Variants in ZFAND3 observed in about 807,000 individuals in gnomAD.
ZFAND3 encodes zinc finger AN1-type containing 3, also known as AN1-type zinc finger protein 3.
A neutral mutation model predicts 29.6 loss-of-function variants in ZFAND3; 10 were observed. That is an observed-to-expected ratio of 0.34 (90% CI 0.21 to 0.57). ZFAND3 has a LOEUF of 0.57. Ranked by LOEUF, ZFAND3 falls within the 20% of genes least tolerant of loss-of-function variation. The probability of loss-of-function intolerance (pLI) is 0.86; values close to 1 mark genes in which losing one functional copy is unlikely to be tolerated. For synonymous variants in ZFAND3, 128 were observed against 112.6 expected (o/e 1.14, Z -0.87); for missense variants, 230 against 304.5 (o/e 0.76, Z 1.82).
rs374721696 is a variant in ZFAND3, at chr6:37,874,717, C to A, written c.71+54701C>A. The stretch of plus-strand genomic sequence containing the variant: ...AGGGGTTTAGGGTAGGGGAGGGACA[C>A]AATTCAACCCATAATACCATTCTTT... On this transcript the variant is annotated intron_variant, in intron 1 of 5. Transcript: ENST00000287218. Among the ~76,000 whole-genome samples, 5 of 152,130 alleles carry A rather than the reference C, an allele frequency of 3.3e-5. No homozygotes were observed. In the East Asian group the frequency reaches 9.6e-4, roughly 29 times the overall value.
intron 3 of ZFAND3, among the ~76,000 whole-genome samples, chr6:38,064,364 CA>C (rs1462652539): frequency 6.6e-6 from 1 of 152,128 alleles, no homozygotes; most frequent in African/African-American, 2.4e-5. Flanking sequence ...CGTGATAACC[CA>C]ATGAGGTAGA....
chr6:37,984,893 T>A (rs963601266), intron 2 of ZFAND3, among the ~76,000 whole-genome samples: 2 of 152,270 alleles, frequency 1.3e-5, no homozygotes, highest in African/African-American at 4.8e-5. Flanking sequence ...AGGTCATTGC[T>A]GTATGTGTTA....
intron 5 of ZFAND3, chr6:38,142,300 GC>G (rs968824918): frequency 4.2e-6 from 2 of 471,520 alleles, no homozygotes; most frequent in African/African-American, 4.0e-5. Flanking sequence ...ATAGTCTGAT[GC>G]CCCCTGACCA....
At chr6:38,127,579 G>A (rs1765658599) in intron 5 of ZFAND3, among the ~76,000 whole-genome samples, 1 of 152,178 alleles carries the variant, frequency 6.6e-6, no homozygotes, top group South Asian at 2.1e-4. Context: ...AAGCCACAGT[G>A]AGAGATGTTT....
chr6:37,990,218 G>T (rs966522315), intron 2 of ZFAND3, among the ~76,000 whole-genome samples: 1 of 152,190 alleles, frequency 6.6e-6, no homozygotes, highest in Non-Finnish European at 1.5e-5. Context: ...GATAGTCCTG[G>T]ACAATACTTT....
At chr6:38,024,253 A>G (rs1245023861) in intron 2 of ZFAND3, among the ~76,000 whole-genome samples, 2 of 151,940 alleles carry the variant, frequency 1.3e-5, no homozygotes, top group Non-Finnish European at 2.9e-5. Flanking sequence ...CGGGCAGATC[A>G]TGAGGTCAGG....
intron 2 of ZFAND3, among the ~76,000 whole-genome samples, chr6:38,045,054 T>TTTTATTTATTTATTTATTTATTTATTTA (rs3047087): frequency 5.2e-5 from 7 of 134,738 alleles, no homozygotes; most frequent in Non-Finnish European, 9.5e-5. Flanking sequence ...GTGGAAATTC[T>TTTTATTTATTTATTTATTTATTTATTTA]TTTATTTATT....
intron 5 of ZFAND3, among the ~76,000 whole-genome samples, chr6:38,133,847 G>A (rs533010761): frequency 1.3e-5 from 2 of 152,114 alleles, no homozygotes; most frequent in Admixed American, 1.3e-4. Flanking sequence ...GTAGCACCTG[G>A]GATTTGAGCC....
intron 2 of ZFAND3, among the ~76,000 whole-genome samples, chr6:37,950,630 C>T (rs923018938): frequency 6.6e-6 from 1 of 152,104 alleles, no homozygotes; most frequent in African/African-American, 2.4e-5. Flanking sequence ...CCACCCACCT[C>T]GGCCTCCCAA....
At chr6:38,007,096 T>C (rs931403740) in intron 2 of ZFAND3, among the ~76,000 whole-genome samples, 2 of 152,218 alleles carry the variant, frequency 1.3e-5, no homozygotes, top group Non-Finnish European at 2.9e-5. Flanking sequence ...TTGCCAACTT[T>C]TATTCATTTG....
intron 2 of ZFAND3, among the ~76,000 whole-genome samples, chr6:37,998,395 A>G (rs1762888593): frequency 6.6e-6 from 1 of 152,214 alleles, no homozygotes; most frequent in African/African-American, 2.4e-5. Flanking sequence ...CAGTTGTCAA[A>G]ACATACAGAA....
intron 4 of ZFAND3, among the ~76,000 whole-genome samples, chr6:38,100,853 G>A (rs925569422): frequency 6.6e-6 from 1 of 151,902 alleles, no homozygotes; most frequent in Non-Finnish European, 1.5e-5. Context: ...CTTATCTCTC[G>A]CCCTCTTTGT....
chr6:38,090,037 G>T (rs1764832843), intron 4 of ZFAND3, among the ~76,000 whole-genome samples: 3 of 152,148 alleles, frequency 2.0e-5, no homozygotes, highest in Non-Finnish European at 4.4e-5. Flanking sequence ...ATTTTTGGTA[G>T]TGACGGGGTT....
At chr6:37,894,887 C>T (rs1250513528) in intron 1 of ZFAND3, among the ~76,000 whole-genome samples, 1 of 152,122 alleles carries the variant, frequency 6.6e-6, no homozygotes, top group Non-Finnish European at 1.5e-5. Context: ...TATCTTCTTT[C>T]GTTTATATAT....
intron 2 of ZFAND3, among the ~76,000 whole-genome samples, chr6:37,989,586 A>G (rs969891132): frequency 2.6e-4 from 39 of 152,338 alleles, no homozygotes; most frequent in Admixed American, 9.8e-4. Context: ...AGGCTTTAAC[A>G]TACGAATTTT....
rs540079239 is a variant in ZFAND3 at position 37,895,659 on chromosome 6, G to C, written c.72-34300G>C. ...TTGAGTTGATTTTTCTTGTCACTGT[G>C]GGTCATATTTTCCTGCTTCTTTGCA... On this transcript the variant is annotated intron_variant, in intron 1 of 5. Coordinates refer to ENST00000287218, the MANE Select transcript of ZFAND3 (RefSeq NM_021943.3). Among the ~76,000 whole-genome samples the C allele has an allele frequency of 1.3e-3, 193 of 151,838 alleles. 1 individual carries two copies. Among genetic ancestry groups the C allele is most frequent in the African/African-American group, 1.8e-3 (73 of 41,388 alleles).
At chr6:38,005,932 T>C (rs533436735) in intron 2 of ZFAND3, among the ~76,000 whole-genome samples, 38 of 152,336 alleles carry the variant, frequency 2.5e-4, no homozygotes, top group African/African-American at 8.9e-4. Context: ...CCTTCTCTTT[T>C]AAAAGTTCTT....
chr6:38,048,806 C>G (rs1056022999), intron 2 of ZFAND3, among the ~76,000 whole-genome samples: 7 of 151,932 alleles, frequency 4.6e-5, no homozygotes, highest in African/African-American at 1.7e-4. Context: ...CTGTCTGATT[C>G]TTTGTGTATT....
intron 1 of ZFAND3, among the ~76,000 whole-genome samples, chr6:37,903,831 T>C (rs1371560312): frequency 6.6e-6 from 1 of 152,234 alleles, no homozygotes; most frequent in African/African-American, 2.4e-5. Context: ...CTAGCTGCTA[T>C]TCTAAACAAT....
Sources: gnomAD v4.1 joint callset for allele counts (sites outside exome capture counted in the v4.1 genomes callset) on GRCh38, gnomAD v4.1.1 for gene constraint, MANE v1.5 for transcripts, NCBI Gene and HGNC (gene_info 2026-07-23, HGNC 2026-07-21) for gene names.